The following IGF1R variants were observed in gnomAD, a reference collection of about 807,000 sequenced individuals.
The protein encoded by IGF1R is insulin-like growth factor 1 receptor.
IGF1R carries 44 observed loss-of-function variants against 144.6 expected under a neutral mutation model. That is an observed-to-expected ratio of 0.30 (90% confidence interval 0.24 to 0.39). IGF1R has a LOEUF of 0.39. Ranked by LOEUF, IGF1R falls within the 10% of genes least tolerant of loss-of-function variation. IGF1R has a pLI of 1.00. For synonymous variants in IGF1R, 795 were observed against 722.8 expected (o/e 1.10, Z -1.60); for missense variants, 1,355 against 1,833.7 (o/e 0.74, Z 4.77).
chr15:98,749,371 G>C (rs1398004975), intron 2 of IGF1R, among the ~76,000 whole-genome samples: 1 of 152,054 alleles, frequency 6.6e-6, no homozygotes, highest in South Asian at 2.1e-4. Flanking sequence ...AGTGATTTGG[G>C]TCATTCTGAC....
At chr15:98,766,517 A>G (rs1439835784) in intron 2 of IGF1R, among the ~76,000 whole-genome samples, 1 of 152,224 alleles carries the variant, frequency 6.6e-6, no homozygotes, top group East Asian at 1.9e-4. Context: ...TGCAAGGGTC[A>G]TCCTTAATAT....
intron 1 of IGF1R, among the ~76,000 whole-genome samples, chr15:98,694,989 T>A (rs2141238588): frequency 6.6e-6 from 1 of 152,332 alleles, no homozygotes; most frequent in South Asian, 2.1e-4. Context: ...ATTTGTGAGA[T>A]CCATTTCTGT....
intron 2 of IGF1R, among the ~76,000 whole-genome samples, chr15:98,731,147 G>A (rs2054488238): frequency 1.3e-5 from 2 of 152,212 alleles, no homozygotes; most frequent in South Asian, 4.1e-4. Flanking sequence ...ATTTTGAAAT[G>A]TTACCGTAGT....
chr15:98,937,230 T>C (rs750795757), intron 17 of IGF1R, among the ~76,000 whole-genome samples: 7 of 152,166 alleles, frequency 4.6e-5, no homozygotes, highest in Non-Finnish European at 1.0e-4. Context: ...GAGAAAAGCT[T>C]GATGAAATAG....
intron 1 of IGF1R, among the ~76,000 whole-genome samples, chr15:98,706,345 G>A (rs1284328710): frequency 6.6e-6 from 1 of 152,132 alleles, no homozygotes; most frequent in Non-Finnish European, 1.5e-5. Context: ...TCCTAAAAAA[G>A]GTTATCACAA....
chr15:98,735,304 G>A (rs2054586111), intron 2 of IGF1R, among the ~76,000 whole-genome samples: 2 of 152,224 alleles, frequency 1.3e-5, no homozygotes, highest in African/African-American at 4.8e-5. Context: ...CTTAATGGAA[G>A]AGTCTAAGAG....
intron 4 of IGF1R, among the ~76,000 whole-genome samples, chr15:98,898,186 T>C (rs1343703750): frequency 6.6e-6 from 1 of 152,240 alleles, no homozygotes; most frequent in African/African-American, 2.4e-5. Context: ...TTAATTCTTT[T>C]GGCTGTGTCT....
intron 2 of IGF1R, among the ~76,000 whole-genome samples, chr15:98,878,663 C>CAAAAAAAAAAAAAAAAAAA (rs138285597): frequency 1.7e-5 from 1 of 57,904 alleles, no homozygotes; most frequent in African/African-American, 1.0e-4. Context: ...GTGAAAGACT[C>CAAAAAAAAAAAAAAAAAAA]AAAAAAAAAA....
At chr15:98,876,328 G>GAA (rs377064773) in intron 2 of IGF1R, among the ~76,000 whole-genome samples, 72 of 121,756 alleles carry the variant, frequency 5.9e-4, no homozygotes, top group African/African-American at 2.1e-3. Flanking sequence ...AAAAAAAAAA[G>GAA]AGAGAGAGAG....
intron 2 of IGF1R, among the ~76,000 whole-genome samples, chr15:98,767,999 G>A (rs2055477693): frequency 6.6e-6 from 1 of 152,200 alleles, no homozygotes; most frequent in Admixed American, 6.5e-5. Flanking sequence ...GCTGAGTGGT[G>A]TGTGCCTCTA....
At chr15:98,746,592 T>G (rs2054872501) in intron 2 of IGF1R, among the ~76,000 whole-genome samples, 1 of 152,176 alleles carries the variant, frequency 6.6e-6, no homozygotes, top group Non-Finnish European at 1.5e-5. Context: ...TCTACACCAG[T>G]GGAGGCAAAA....
At chr15:98,777,228 C>T (rs1018487131) in intron 2 of IGF1R, among the ~76,000 whole-genome samples, 2 of 152,314 alleles carry the variant, frequency 1.3e-5, no homozygotes, top group South Asian at 2.1e-4. Context: ...TTGCACTTGC[C>T]GCAGTGGAGA....
At chr15:98,945,404 C>A (rs1308268432) in intron 19 of IGF1R, among the ~76,000 whole-genome samples, 1 of 152,208 alleles carries the variant, frequency 6.6e-6, no homozygotes, top group Non-Finnish European at 1.5e-5. Context: ...CCAGCACGGG[C>A]ATTGCAGGGG....
At chr15:98,940,942 GCT>G (rs1281079350) in intron 18 of IGF1R, among the ~76,000 whole-genome samples, 1 of 152,198 alleles carries the variant, frequency 6.6e-6, no homozygotes, top group East Asian at 1.9e-4. Context: ...CTGCCTCAGG[GCT>G]CTCAGGAAAG....
intron 2 of IGF1R, among the ~76,000 whole-genome samples, chr15:98,732,865 A>G (rs1307561531): frequency 6.6e-6 from 1 of 151,950 alleles, no homozygotes; most frequent in Non-Finnish European, 1.5e-5. Flanking sequence ...ATCCTGGGAC[A>G]CCTGTTTTGG....
chr15:98,737,853 A>C (rs1324768609), intron 2 of IGF1R, among the ~76,000 whole-genome samples: 1 of 152,146 alleles, frequency 6.6e-6, no homozygotes, highest in Non-Finnish European at 1.5e-5. Context: ...CAGGGTCTCC[A>C]GTCAGCCCTC....
intron 1 of IGF1R, among the ~76,000 whole-genome samples, chr15:98,659,597 C>T (rs929433803): frequency 5.9e-5 from 9 of 152,156 alleles, no homozygotes; most frequent in East Asian, 1.9e-4. Flanking sequence ...TGTGTCAGTG[C>T]GAGCTGTCCT....
At chr15:98,931,846 G>A (rs2015954425) in intron 15 of IGF1R, among the ~76,000 whole-genome samples, 1 of 152,168 alleles carries the variant, frequency 6.6e-6, no homozygotes, top group Non-Finnish European at 1.5e-5. Context: ...AGCGAGACTG[G>A]CTCTTAAAAT....
chr15:98,774,475 A>G (rs1292044491), intron 2 of IGF1R, among the ~76,000 whole-genome samples: 1 of 152,218 alleles, frequency 6.6e-6, no homozygotes, highest in African/African-American at 2.4e-5. Flanking sequence ...AAAGTTGAGG[A>G]TTGTTTCTTT....
Sources: gnomAD v4.1 joint callset for allele counts (sites outside exome capture counted in the v4.1 genomes callset) on GRCh38, gnomAD v4.1.1 for gene constraint, MANE v1.5 for transcripts, NCBI Gene and HGNC (gene_info 2026-07-23, HGNC 2026-07-21) for gene names.